Variants in PDSS2 observed in about 807,000 individuals in gnomAD.
The protein encoded by PDSS2 is all trans-polyprenyl-diphosphate synthase PDSS2.
A neutral mutation model predicts 44.5 loss-of-function variants in PDSS2; 31 were observed. The ratio of observed to expected loss-of-function variants is 0.70; its 90% confidence interval spans 0.52 to 0.94. PDSS2 has a LOEUF of 0.94. PDSS2 is among the 40% of genes least tolerant of loss of function. The pLI, the probability that PDSS2 is intolerant of heterozygous loss-of-function variation, is 0.00. For synonymous variants in PDSS2, 157 were observed against 180.3 expected (o/e 0.87, Z 1.03); for missense variants, 452 against 482.2 (o/e 0.94, Z 0.59).
intron 1 of PDSS2, among the ~76,000 whole-genome samples, chr6:107,429,755 A>G (rs1053061668): frequency 6.6e-6 from 1 of 151,010 alleles, no homozygotes; most frequent in African/African-American, 2.4e-5. Context: ...GTGGTGGTGC[A>G]TGCCTGTAAT....
At chr6:107,262,214 G>A (rs1186696332) in intron 3 of PDSS2, among the ~76,000 whole-genome samples, 11 of 151,766 alleles carry the variant, frequency 7.2e-5, no homozygotes, top group Non-Finnish European at 2.9e-5. Context: ...GCCTGCCTCA[G>A]GTATTTCTTT....
At chr6:107,411,092 G>A (rs1780478515) in intron 1 of PDSS2, among the ~76,000 whole-genome samples, 1 of 151,902 alleles carries the variant, frequency 6.6e-6, no homozygotes, top group African/African-American at 2.4e-5. Context: ...TGCTATGTTG[G>A]CCAGGCTGGT....
At chr6:107,210,403 C>G (rs367785457) in intron 6 of PDSS2, 36 bp downstream of exon 6, 12 of 1,497,030 alleles carry the variant, frequency 8.0e-6, no homozygotes, top group Admixed American at 6.7e-5. Flanking sequence ...CCACTAATTA[C>G]TACTGGTACC....
chr6:107,233,504 A>G (rs1268017529), intron 4 of PDSS2, among the ~76,000 whole-genome samples: 8 of 152,176 alleles, frequency 5.3e-5, no homozygotes, highest in Admixed American at 5.2e-4. Context: ...CATGATAACA[A>G]ACAATTTAAT....
At position 107,345,635 on chromosome 6, in the gene PDSS2, C is replaced by T. The variant is rs1385047361; in HGVS notation, c.297-11303G>A. 2.0e-5 allele frequency among the ~76,000 whole-genome samples: 3 copies of T among 151,202 alleles called. No homozygotes were observed. The Admixed American group carries it at 2.0e-4, about 10-fold the overall frequency. ...ATACTTTATAGAGTAACAGATAATACCTCAAGGGCAAATTAGGGGGGAGGG... is the reference window on the plus strand; with the variant it reads ...ATACTTTATAGAGTAACAGATAATATCTCAAGGGCAAATTAGGGGGGAGGG... On this transcript the variant is annotated intron_variant, in intron 1 of 7. Transcript: ENST00000369037.
intron 1 of PDSS2, among the ~76,000 whole-genome samples, chr6:107,435,499 C>T (rs1562538290): frequency 6.6e-6 from 1 of 151,912 alleles, no homozygotes; most frequent in Non-Finnish European, 1.5e-5. Flanking sequence ...TTTATATATA[C>T]TAGAGTAGTA....
chr6:107,429,965 G>T (rs1275918386), intron 1 of PDSS2, among the ~76,000 whole-genome samples: 2 of 124,804 alleles, frequency 1.6e-5, no homozygotes, highest in African/African-American at 5.8e-5. Context: ...AAAGATTTTG[G>T]GAGATCTGTC....
At chr6:107,256,239 C>T (rs1328120520) in intron 3 of PDSS2, among the ~76,000 whole-genome samples, 2 of 152,184 alleles carry the variant, frequency 1.3e-5, no homozygotes, top group Admixed American at 6.5e-5. Flanking sequence ...GATCCACCCA[C>T]CTCGGCCTCC....
At position 107,274,667 on chromosome 6, in the gene PDSS2, C is replaced by CT. The variant is rs5878910; in HGVS notation, c.432-441dup. The stretch of plus-strand genomic sequence containing the variant: ...GGCATTACATACATTATCTCTCTCT[C>CT]TTTTTTTTTTTTTTTTTTTTGTTTA... On this transcript the variant is annotated intron_variant, in intron 2 of 7. Coordinates refer to ENST00000369037, the MANE Select transcript of PDSS2 (RefSeq NM_020381.4). 3.2e-3 allele frequency among the ~76,000 whole-genome samples: 338 copies of CT among 106,548 alleles called. 3 individuals are homozygous for CT. Among genetic ancestry groups the CT allele is most frequent in the Middle Eastern group, 5.7e-3 (1 of 174 alleles). The allele number at this position is 106,548 out of a possible 152,430, so 69.9% of individuals were successfully genotyped here. A position where few individuals can be genotyped will look rare whatever the true frequency, so the allele number is the denominator to read the frequency against.
At chr6:107,210,592 G>C (rs1454202169) in intron 5 of PDSS2, 22 bp from the exon 6 acceptor site, 3 of 1,497,216 alleles carry the variant, frequency 2.0e-6, no homozygotes, top group Non-Finnish European at 2.8e-6. Context: ...AATTAAATGA[G>C]TAAATTAGTG....
chr6:107,212,396 T>C, intron 4 of PDSS2, 114 bp from the exon 5 acceptor site: 1 of 816,060 alleles, frequency 1.2e-6, no homozygotes. Context: ...CTCAGGCTAT[T>C]GGAACAAGAC....
intron 1 of PDSS2, among the ~76,000 whole-genome samples, chr6:107,427,341 A>G (rs1781036623): frequency 6.6e-6 from 1 of 152,142 alleles, no homozygotes; most frequent in African/African-American, 2.4e-5. Flanking sequence ...CTCCCCAGTC[A>G]TGTGGAACTG....
At chr6:107,191,675 G>C (rs1370469284) in intron 7 of PDSS2, among the ~76,000 whole-genome samples, 2 of 152,136 alleles carry the variant, frequency 1.3e-5, no homozygotes, top group African/African-American at 4.8e-5. Flanking sequence ...GCAGCAGCAT[G>C]ATCTCAGCTC....
intron 1 of PDSS2, among the ~76,000 whole-genome samples, chr6:107,398,255 A>T (rs1351989582): frequency 5.9e-5 from 9 of 152,230 alleles, no homozygotes; most frequent in Non-Finnish European, 1.3e-4. Context: ...GCAGAAGCAG[A>T]TAAGAAAATT....
In PDSS2 at chr6:107,227,278, C is replaced by CTTTT. The variant is rs60988844; in HGVS notation, c.703-15000_703-14997dup. On this transcript the variant is annotated intron_variant, in intron 4 of 7. Transcript: ENST00000369037. ...GATTATAGGTGTAAGCCACTGTGCC[C>CTTTT]TTTTTTTTTTTTTTTTTTTTTTTTT... 3.2e-3 allele frequency among the ~76,000 whole-genome samples: 324 copies of CTTTT among 102,750 alleles called. 58 individuals are homozygous for CTTTT. Among genetic ancestry groups the CTTTT allele is most frequent in the African/African-American group, 0.011 (281 of 25,950 alleles). The allele number at this position is 102,750 out of a possible 152,430, so 67.4% of individuals were successfully genotyped here.
At chr6:107,295,016 G>T (rs1776466118) in intron 2 of PDSS2, among the ~76,000 whole-genome samples, 1 of 152,094 alleles carries the variant, frequency 6.6e-6, no homozygotes, top group Non-Finnish European at 1.5e-5. Context: ...TGCAACCTCT[G>T]CCCCACTGGG....
intron 2 of PDSS2, among the ~76,000 whole-genome samples, chr6:107,286,362 T>G (rs1244077251): frequency 1.3e-5 from 2 of 150,592 alleles, no homozygotes; most frequent in Non-Finnish European, 3.0e-5. Context: ...ATACAGAAAT[T>G]TGCTGATTGT....
chr6:107,313,579 C>CA (rs1777112441), intron 2 of PDSS2, among the ~76,000 whole-genome samples: 1 of 152,094 alleles, frequency 6.6e-6, no homozygotes, highest in Non-Finnish European at 1.5e-5. Flanking sequence ...TCTCGAACTC[C>CA]TGACCTCAAG....
At chr6:107,293,482 T>C (rs953200846) in intron 2 of PDSS2, among the ~76,000 whole-genome samples, 7 of 152,186 alleles carry the variant, frequency 4.6e-5, no homozygotes, top group African/African-American at 1.7e-4. Context: ...TGCCCTCCCA[T>C]AGTGCTCATG....
Sources: gnomAD v4.1 joint callset for allele counts (sites outside exome capture counted in the v4.1 genomes callset) on GRCh38, gnomAD v4.1.1 for gene constraint, MANE v1.5 for transcripts, NCBI Gene and HGNC (gene_info 2026-07-23, HGNC 2026-07-21) for gene names.